The following EEF1AKMT3 variants were observed in gnomAD, a reference collection of about 807,000 sequenced individuals.
EEF1AKMT3 encodes EEF1A lysine methyltransferase 3.
Under a neutral mutation model 17.8 loss-of-function variants are expected in EEF1AKMT3, and 17 were observed. That is an observed-to-expected ratio of 0.96 (90% CI 0.65 to 1.43). The LOEUF is 1.43. Among genes scored for constraint, EEF1AKMT3 ranks in the 40% most tolerant of loss-of-function variants. EEF1AKMT3 has a pLI of 0.00. For missense variants in EEF1AKMT3, 244 were observed against 285.8 expected, an observed-to-expected ratio of 0.85 and a Z score of 1.06; for synonymous variants, 116 against 126.5, an observed-to-expected ratio of 0.92 and a Z score of 0.56.
intron 2 of EEF1AKMT3, 125 bp from the exon 3 acceptor site, chr12:57,780,130 G>A: frequency 1.7e-6 from 2 of 1,166,068 alleles, no homozygotes; most frequent in Non-Finnish European, 2.4e-6. Flanking sequence ...CTAAAAGCCA[G>A]TGTGGGCTCT....
rs763478340 is a variant in EEF1AKMT3, at chr12:57,772,932, C to A, written c.177+31C>A. 26 of 1,612,930 alleles carry A rather than the reference C, an allele frequency of 1.6e-5. No homozygotes were observed. In the East Asian group the frequency reaches 5.6e-4, roughly 35 times the overall value. ...GAATGGGCTGCGCCGGGTGAGGGTC[C>A]GTGGGAGGTCCAGATCCCGGACTCC... On this transcript the variant is annotated intron_variant, in intron 1 of 2. Transcript: ENST00000300209. This position sits in a 1 kb window ranked among gnomAD's most constrained non-coding sequence, Gnocchi z 4.1.
Position 57,772,687 on chromosome 12 carries a change from G to T in EEF1AKMT3, c.-38G>T. 1 of 1,580,686 alleles carries T rather than the reference G, an allele frequency of 6.3e-7. No individual in the cohort carries two copies. Among genetic ancestry groups the T allele is most frequent in the South Asian group, 1.2e-5 (1 of 86,230 alleles). On this transcript the variant is annotated 5_prime_UTR_variant, in exon 1 of 3. Transcript: ENST00000300209. This position sits in a 1 kb window ranked among gnomAD's most constrained non-coding sequence, Gnocchi z 4.1. ...CCCGCTCCGGATCCGGGATCTGAGC[G>T]CCGGCCGCGGTGCCCAGGCACTCCC... is the stretch of plus-strand genomic sequence containing the variant.
At chr12:57,775,678 C>T (rs1392186918) in intron 2 of EEF1AKMT3, among the ~76,000 whole-genome samples, 1 of 152,202 alleles carries the variant, frequency 6.6e-6, no homozygotes, top group Non-Finnish European at 1.5e-5. Flanking sequence ...ATCTCTAGTT[C>T]AGGCCACTGG....
Position 57,772,841 on chromosome 12 carries a change from G to GCTGA in EEF1AKMT3, c.119_122dup (p.Ile42AspfsTer64). 2 of 1,614,216 alleles carry GCTGA rather than the reference G, an allele frequency of 1.2e-6. No individual in the cohort carries two copies. The highest frequency in any genetic ancestry group is 1.7e-6 in the Non-Finnish European group (2 of 1,180,024). The stretch of plus-strand genomic sequence containing the variant: ...GCCAGTTCTGTTTCTGTGGGCATGT[G>GCTGA]CTGACCATCACGCAGAACTTTGGGT... On this transcript the variant is annotated frameshift_variant, in exon 1 of 3. Coordinates refer to ENST00000300209, the MANE Select transcript of EEF1AKMT3 (RefSeq NM_015433.3). LOFTEE classifies it high-confidence loss of function. This position sits in a 1 kb window ranked among gnomAD's most constrained non-coding sequence, Gnocchi z 4.1.
chr12:57,777,326 C>T (rs1029074875), intron 2 of EEF1AKMT3, among the ~76,000 whole-genome samples: 7 of 152,210 alleles, frequency 4.6e-5, no homozygotes, highest in African/African-American at 1.4e-4. Context: ...CACTCCATTT[C>T]TATGCTCCAC....
In EEF1AKMT3 at chr12:57,778,293, CT is replaced by C. The variant is rs56919999; in HGVS notation, c.290-1947del. ...CCAAACACCCAGAAACCATCCTGAG[CT>C]TTTTTTTTTTTTTTGAGACAGGTTC... On this transcript the variant is annotated intron_variant, in intron 2 of 2. Transcript: ENST00000300209. Among the ~76,000 whole-genome samples, 11 of 43,996 alleles carry C rather than the reference CT, an allele frequency of 2.5e-4. 4 individuals are homozygous for C. Among genetic ancestry groups the C allele is most frequent in the Non-Finnish European group, 3.1e-4 (8 of 25,678 alleles). The allele number at this position is 43,996 out of a possible 152,430, so 28.9% of individuals were successfully genotyped here.
At position 57,772,620 on chromosome 12, in the gene EEF1AKMT3, T is replaced by C. The variant is rs2291617; in HGVS notation, c.-105T>C. ...GCAAACTCAGGGAGGCGGGGCTCGTTCCACAGGGACACCACGACGGCTCGC... is the reference window on the plus strand; with the variant it reads ...GCAAACTCAGGGAGGCGGGGCTCGTCCCACAGGGACACCACGACGGCTCGC... On this transcript the variant is annotated 5_prime_UTR_variant, in exon 1 of 3. Coordinates refer to ENST00000300209, the MANE Select transcript of EEF1AKMT3 (RefSeq NM_015433.3). This position sits in a 1 kb window ranked among gnomAD's most constrained non-coding sequence, Gnocchi z 4.1. 1.6e-6 allele frequency: 2 copies of C among 1,276,280 alleles called. No individual in the cohort carries two copies. The highest frequency in any genetic ancestry group is 2.1e-6 in the Non-Finnish European group (2 of 941,948). The allele number at this position is 1,276,280 out of a possible 1,614,324, so 79.1% of individuals were successfully genotyped here.
At chr12:57,777,218 A>G (rs1955485900) in intron 2 of EEF1AKMT3, among the ~76,000 whole-genome samples, 1 of 152,154 alleles carries the variant, frequency 6.6e-6, no homozygotes, top group Admixed American at 6.5e-5. Context: ...GGATCATTCC[A>G]TATATAGTAA....
Position 57,782,505 on chromosome 12 carries a change from A to C in EEF1AKMT3, c.*1859A>C. ...GAGTCATAAATGGATAATGAATATA[A>C]ATGCGCATTGAAAATAAACATAAAA... On this transcript the variant is annotated 3_prime_UTR_variant, in exon 3 of 3. Coordinates refer to ENST00000300209, the MANE Select transcript of EEF1AKMT3 (RefSeq NM_015433.3). 13 of 416,374 alleles carry C rather than the reference A, an allele frequency of 3.1e-5. No individual in the cohort carries two copies. The highest frequency in any genetic ancestry group is 8.3e-5 in the East Asian group (2 of 23,956). 25.8% of individuals were successfully genotyped at this position (416,374 alleles called of 1,614,324 possible). A position where few individuals can be genotyped will look rare whatever the true frequency, so the allele number is the denominator to read the frequency against.
intron 2 of EEF1AKMT3, among the ~76,000 whole-genome samples, chr12:57,776,337 A>G (rs369919031): frequency 4.9e-4 from 75 of 152,312 alleles, no homozygotes; most frequent in South Asian, 1.9e-3. Flanking sequence ...CTTAATGCAT[A>G]TGCATCCCTC....
At chr12:57,774,809 A>G in intron 2 of EEF1AKMT3, 1 of 1,560,542 alleles carries the variant, frequency 6.4e-7, no homozygotes, top group Non-Finnish European at 8.7e-7. Context: ...AGGCTCAGAA[A>G]CACTGGAGGG....
At chr12:57,777,336 C>T (rs1452383031) in intron 2 of EEF1AKMT3, among the ~76,000 whole-genome samples, 1 of 152,218 alleles carries the variant, frequency 6.6e-6, no homozygotes, top group Non-Finnish European at 1.5e-5. Flanking sequence ...CTATGCTCCA[C>T]TTTAAAACAA....
Position 57,772,724 on chromosome 12 carries a change from G to A in EEF1AKMT3, c.-1G>A, listed in dbSNP as rs1231929867. ...GCCCAGGCACTCCCTTGGCGGGCCG[G>A]ATGGCGGACCCCGGCCCAGATCCCG... On this transcript the variant is annotated 5_prime_UTR_variant, in exon 1 of 3. Transcript: ENST00000300209. The surrounding 1 kb of genome is among the most constrained non-coding windows in gnomAD (Gnocchi z 4.1). 15 of 1,612,074 alleles carry A rather than the reference G, an allele frequency of 9.3e-6. No homozygotes were observed. Among genetic ancestry groups the A allele is most frequent in the Non-Finnish European group, 1.1e-5 (13 of 1,178,886 alleles).
chr12:57,777,736 GA>G (rs1264121493), intron 2 of EEF1AKMT3, among the ~76,000 whole-genome samples: 2 of 152,066 alleles, frequency 1.3e-5, no homozygotes, highest in African/African-American at 2.4e-5. Context: ...ATGTCCTGTT[GA>G]AGCCGGACGC....
rs1388308227 is a variant in EEF1AKMT3, at chr12:57,782,457, CACCA to C, written c.*1816_*1819del. ...CCTTGGACAAATTCTCGAACCCATT[CACCA>C]ACCACACAAGTTTGTTGTGAGTCAT... On this transcript the variant is annotated 3_prime_UTR_variant, in exon 3 of 3. Coordinates refer to ENST00000300209, the MANE Select transcript of EEF1AKMT3 (RefSeq NM_015433.3). 3.6e-6 allele frequency: 1 copy of C among 277,990 alleles called. No individual in the cohort carries two copies. The highest frequency in any genetic ancestry group is 2.2e-5 in the African/African-American group (1 of 45,414). The allele number at this position is 277,990 out of a possible 1,614,324, so 17.2% of individuals were successfully genotyped here.
In EEF1AKMT3 at chr12:57,773,132, C is replaced by G. The variant is rs771061095; in HGVS notation, c.289+4C>G. 6.2e-7 allele frequency: 1 copy of G among 1,613,726 alleles called. No homozygotes were observed. The highest frequency in any genetic ancestry group is 8.5e-7 in the Non-Finnish European group (1 of 1,179,724). On this transcript the variant is annotated splice_donor_region_variant and intron_variant, in intron 2 of 2. Coordinates refer to ENST00000300209, the MANE Select transcript of EEF1AKMT3 (RefSeq NM_015433.3). ...GGGATCTTGGCAGCGCTGCAGGGTG[C>G]GTGAGCTGGCTTTTTACGGGAGAGA...
At chr12:57,779,585 C>T (rs1021786279) in intron 2 of EEF1AKMT3, among the ~76,000 whole-genome samples, 2 of 152,124 alleles carry the variant, frequency 1.3e-5, no homozygotes, top group Non-Finnish European at 1.5e-5. Flanking sequence ...ACCTTATATA[C>T]CCAGCACTTA....
At chr12:57,773,186 T>G (rs1433951551) in intron 2 of EEF1AKMT3, 58 bp downstream of exon 2, 1 of 1,521,094 alleles carries the variant, frequency 6.6e-7, no homozygotes, top group Non-Finnish European at 9.1e-7. Context: ...GGAGAAATGG[T>G]CACTTCGTGG....
In EEF1AKMT3 at chr12:57,778,307, T is replaced by TTTTTTTTTTTTTTTTTTTTTTTC. The variant is rs536788916; in HGVS notation, c.290-1947_290-1946insTTTTTTTTTTTTTTTTTTTTTCT. Among the ~76,000 whole-genome samples, 38 of 105,388 alleles carry TTTTTTTTTTTTTTTTTTTTTTTC rather than the reference T, an allele frequency of 3.6e-4. 7 individuals are homozygous for TTTTTTTTTTTTTTTTTTTTTTTC. Among genetic ancestry groups the TTTTTTTTTTTTTTTTTTTTTTTC allele is most frequent in the Non-Finnish European group, 4.7e-4 (24 of 50,582 alleles). The allele number at this position is 105,388 out of a possible 152,430, so 69.1% of individuals were successfully genotyped here. A position where few individuals can be genotyped will look rare whatever the true frequency, so the allele number is the denominator to read the frequency against. On this transcript the variant is annotated intron_variant, in intron 2 of 2. Transcript: ENST00000300209. ...ACCATCCTGAGCTTTTTTTTTTTTT[T>TTTTTTTTTTTTTTTTTTTTTTTC]TGAGACAGGTTCTCACTCTGTTGCC...
Sources: allele counts gnomAD v4.1 joint callset (sites outside exome capture counted in the v4.1 genomes callset), GRCh38; gene constraint gnomAD v4.1.1; non-coding constraint Gnocchi (gnomAD v3.1); transcripts MANE v1.5; gene names NCBI Gene and HGNC (gene_info 2026-07-23, HGNC 2026-07-21).